The following OSBPL1A variants were observed in gnomAD, a reference collection of about 807,000 sequenced individuals.
The protein encoded by OSBPL1A is oxysterol-binding protein-related protein 1.
Under a neutral mutation model 137.1 loss-of-function variants are expected in OSBPL1A, and 80 were observed. The observed-to-expected ratio is 0.58, with a 90% CI of 0.49 to 0.70. OSBPL1A has a LOEUF of 0.70. OSBPL1A is among the 30% of genes least tolerant of loss of function. The pLI, the probability that OSBPL1A is intolerant of heterozygous loss-of-function variation, is 0.00. For missense variants in OSBPL1A, 970 were observed against 1,129.4 expected (o/e 0.86, Z 2.02); for synonymous variants, 365 against 389.7 (o/e 0.94, Z 0.75).
At chr18:24,314,553 T>C (rs2588565) in intron 11 of OSBPL1A, among the ~76,000 whole-genome samples, 2,423 of 152,340 alleles carry the variant, frequency 0.016, 61 homozygotes, top group African/African-American at 0.056. Flanking sequence ...GGCTCTCAAC[T>C]TCTTAGTTAC....
chr18:24,347,788 G>C (rs1361526220), intron 4 of OSBPL1A: 2 of 138,222 alleles, frequency 1.4e-5, no homozygotes, highest in Admixed American at 7.6e-5. Flanking sequence ...GCTGCAGTGA[G>C]CCGAGATCAT....
At chr18:24,277,616 C>A (rs929194891) in intron 15 of OSBPL1A, among the ~76,000 whole-genome samples, 4 of 152,186 alleles carry the variant, frequency 2.6e-5, no homozygotes, top group African/African-American at 9.7e-5. Flanking sequence ...GTCTTCAAAG[C>A]TTTATGCCTG....
chr18:24,238,867 A>ACTGT (rs1186819088), intron 16 of OSBPL1A, among the ~76,000 whole-genome samples: 2 of 152,318 alleles, frequency 1.3e-5, no homozygotes, highest in South Asian at 2.1e-4. Context: ...GAAGACAGAA[A>ACTGT]CTGTCTGTCT....
At chr18:24,276,119 A>G (rs2089841481) in intron 15 of OSBPL1A, among the ~76,000 whole-genome samples, 1 of 152,158 alleles carries the variant, frequency 6.6e-6, no homozygotes, top group Admixed American at 6.5e-5. Flanking sequence ...GTGAGCTTCT[A>G]CTGACTTTAA....
At chr18:24,295,341 T>C (rs1467751070) in intron 14 of OSBPL1A, among the ~76,000 whole-genome samples, 1 of 152,178 alleles carries the variant, frequency 6.6e-6, no homozygotes, top group Non-Finnish European at 1.5e-5. Context: ...ATAGTTTGCA[T>C]ATTTTCTCCC....
At chr18:24,262,301 C>T (rs2089461785) in intron 15 of OSBPL1A, among the ~76,000 whole-genome samples, 1 of 152,160 alleles carries the variant, frequency 6.6e-6, no homozygotes, top group African/African-American at 2.4e-5. Flanking sequence ...CCTGTCTCAT[C>T]ATGGTTGCAA....
At chr18:24,317,518 C>G (rs1252052416) in intron 9 of OSBPL1A, 118 bp from the exon 10 acceptor site, 4 of 670,352 alleles carry the variant, frequency 6.0e-6, no homozygotes, top group Admixed American at 3.1e-5. Flanking sequence ...TAGCACTGAA[C>G]AGTAAAAAAA....
At chr18:24,254,675 C>G (rs142267770) in intron 15 of OSBPL1A, among the ~76,000 whole-genome samples, 2 of 151,572 alleles carry the variant, frequency 1.3e-5, no homozygotes, top group Non-Finnish European at 2.9e-5. Flanking sequence ...TGAGATACAG[C>G]GAAAGCAGTA....
chr18:24,203,932 T>C (rs1006649005), intron 17 of OSBPL1A, among the ~76,000 whole-genome samples: 1 of 152,362 alleles, frequency 6.6e-6, no homozygotes, highest in East Asian at 1.9e-4. Context: ...CATTTTGTCA[T>C]TCTCCATGAA....
At chr18:24,220,591 G>A (rs2087857630) in intron 17 of OSBPL1A, among the ~76,000 whole-genome samples, 1 of 152,122 alleles carries the variant, frequency 6.6e-6, no homozygotes, top group African/African-American at 2.4e-5. Context: ...ACTGCTCACT[G>A]CTCCTGGGTT....
intron 16 of OSBPL1A, among the ~76,000 whole-genome samples, chr18:24,226,655 G>A (rs2088085636): frequency 6.6e-6 from 1 of 152,230 alleles, no homozygotes; most frequent in East Asian, 1.9e-4. Flanking sequence ...AAAAATCACA[G>A]AACCTTACTG....
At chr18:24,283,280 AAAT>A (rs1450951423) in intron 14 of OSBPL1A, among the ~76,000 whole-genome samples, 5 of 98,420 alleles carry the variant, frequency 5.1e-5, no homozygotes, top group African/African-American at 1.1e-4. Flanking sequence ...AAAAAAAAAA[AAAT>A]ATATATATAT....
intron 26 of OSBPL1A, 46 bp from the exon 27 acceptor site, chr18:24,165,201 G>A (rs753852952): frequency 1.3e-6 from 2 of 1,535,802 alleles, no homozygotes; most frequent in Admixed American, 1.7e-5. Context: ...CTACACAGAG[G>A]ATGCCAGGCA....
chr18:24,368,261 A>T (rs1487637862), intron 3 of OSBPL1A, 26 bp downstream of exon 3: 2 of 1,535,352 alleles, frequency 1.3e-6, no homozygotes, highest in African/African-American at 2.7e-5. Context: ...TACTGTAGTC[A>T]TTAAAAATTA....
intron 6 of OSBPL1A, among the ~76,000 whole-genome samples, chr18:24,333,786 A>G (rs2091126220): frequency 6.6e-6 from 1 of 152,192 alleles, no homozygotes. Context: ...AAGTATTCCA[A>G]AATACTGTCC....
intron 17 of OSBPL1A, among the ~76,000 whole-genome samples, chr18:24,215,527 T>C (rs2087672083): frequency 6.6e-6 from 1 of 152,216 alleles, no homozygotes; most frequent in Non-Finnish European, 1.5e-5. Flanking sequence ...TTTATTTACC[T>C]TGCAATTTTT....
chr18:24,175,135 T>TATATATATATATATATAC (rs1323687106), intron 21 of OSBPL1A, among the ~76,000 whole-genome samples: 3 of 96,674 alleles, frequency 3.1e-5, no homozygotes, highest in Middle Eastern at 4.6e-3. Flanking sequence ...TATATATATA[T>TATATATATATATATATAC]ACACATATAT....
At chr18:24,300,173 T>C (rs1406545068) in intron 14 of OSBPL1A, among the ~76,000 whole-genome samples, 1 of 152,242 alleles carries the variant, frequency 6.6e-6, no homozygotes, top group Non-Finnish European at 1.5e-5. Context: ...AACTCTGATA[T>C]TCATTCAGAC....
At chr18:24,355,860 C>CTGTA (rs2091525034) in intron 4 of OSBPL1A, among the ~76,000 whole-genome samples, 1 of 151,970 alleles carries the variant, frequency 6.6e-6, no homozygotes, top group Non-Finnish European at 1.5e-5. Flanking sequence ...TGGCATGCGC[C>CTGTA]TGTAATCCCA....
Sources: allele counts gnomAD v4.1 joint callset (sites outside exome capture counted in the v4.1 genomes callset), GRCh38; gene constraint gnomAD v4.1.1; transcripts MANE v1.5; gene names NCBI Gene and HGNC (gene_info 2026-07-23, HGNC 2026-07-21).